Variants in TCF7L1 observed in about 807,000 individuals in gnomAD.
TCF7L1 encodes transcription factor 7-like 1.
Under a neutral mutation model 63.7 loss-of-function variants are expected in TCF7L1, and 18 were observed. That is an observed-to-expected ratio of 0.28 (90% CI 0.20 to 0.42). The LOEUF is 0.42. TCF7L1 is among the 10% of genes least tolerant of loss of function. The pLI is 1.00. For synonymous variants in TCF7L1, 355 were observed against 340.9 expected (o/e 1.04, Z -0.46); for missense variants, 654 against 779.3 (o/e 0.84, Z 1.91).
At chr2:85,228,064 A>G (rs187027865) in intron 3 of TCF7L1, among the ~76,000 whole-genome samples, 92 of 152,004 alleles carry the variant, frequency 6.1e-4, no homozygotes, top group Non-Finnish European at 1.0e-3. Context: ...TTTTCCATTC[A>G]ACATTTAATC....
At chr2:85,219,230 AG>A (rs1679786235) in intron 3 of TCF7L1, among the ~76,000 whole-genome samples, 1 of 152,248 alleles carries the variant, frequency 6.6e-6, no homozygotes, top group Non-Finnish European at 1.5e-5. Context: ...AGAGAAATGC[AG>A]ACTAAAACAA....
chr2:85,149,975 CAAG>C, intron 3 of TCF7L1, among the ~76,000 whole-genome samples: 1 of 152,282 alleles, frequency 6.6e-6, no homozygotes, highest in Non-Finnish European at 1.5e-5. Flanking sequence ...GTTCTAAAAA[CAAG>C]GACATTCGCC....
At chr2:85,235,140 G>A (rs1420225169) in intron 3 of TCF7L1, among the ~76,000 whole-genome samples, 1 of 152,066 alleles carries the variant, frequency 6.6e-6, no homozygotes, top group Non-Finnish European at 1.5e-5. Flanking sequence ...CTGAGGGGCT[G>A]ACCTCTGACC....
chr2:85,308,396 T>TCCCCCTCCCTCC (rs1253056128), intron 11 of TCF7L1, among the ~76,000 whole-genome samples: 6 of 109,542 alleles, frequency 5.5e-5, no homozygotes, highest in African/African-American at 2.5e-4. Flanking sequence ...TCCCTCCCAT[T>TCCCCCTCCCTCC]CTCCTTCCCT....
intron 3 of TCF7L1, among the ~76,000 whole-genome samples, chr2:85,194,323 G>A (rs1274636043): frequency 6.6e-6 from 1 of 152,116 alleles, no homozygotes; most frequent in Non-Finnish European, 1.5e-5. Flanking sequence ...GAGGCCAGGA[G>A]TTCGAGACCA....
intron 3 of TCF7L1, among the ~76,000 whole-genome samples, chr2:85,151,571 T>C (rs1466884826): frequency 1.3e-5 from 2 of 152,216 alleles, no homozygotes; most frequent in Non-Finnish European, 2.9e-5. Context: ...AGTCTATTTG[T>C]ATCATTCCCT....
At chr2:85,175,775 T>C (rs1476979394) in intron 3 of TCF7L1, among the ~76,000 whole-genome samples, 2 of 152,212 alleles carry the variant, frequency 1.3e-5, no homozygotes, top group Non-Finnish European at 2.9e-5. Flanking sequence ...TAAACAAAAG[T>C]TGGCTGTAAC....
At chr2:85,300,103 GGAAA>G (rs761335888) in intron 4 of TCF7L1, among the ~76,000 whole-genome samples, 6 of 152,046 alleles carry the variant, frequency 3.9e-5, no homozygotes, top group African/African-American at 7.2e-5. Context: ...TGGAAAATAT[GGAAA>G]GAGAGACAAT....
At chr2:85,265,404 G>A (rs982306492) in intron 3 of TCF7L1, among the ~76,000 whole-genome samples, 1 of 152,228 alleles carries the variant, frequency 6.6e-6, no homozygotes, top group Admixed American at 6.5e-5. Context: ...CCTGGTGCCA[G>A]TGAGATCTGA....
chr2:85,265,481 C>A (rs1680946235), intron 3 of TCF7L1, among the ~76,000 whole-genome samples: 1 of 152,140 alleles, frequency 6.6e-6, no homozygotes, highest in African/African-American at 2.4e-5. Flanking sequence ...GAGGGGAATC[C>A]CTCTGGAAGG....
chr2:85,149,100 A>C (rs2104201608), intron 3 of TCF7L1, among the ~76,000 whole-genome samples: 1 of 152,224 alleles, frequency 6.6e-6, no homozygotes, highest in Admixed American at 6.5e-5. Context: ...TTTTATAGGA[A>C]ATGACTAAAT....
chr2:85,293,077 T>C (rs1434198454), intron 4 of TCF7L1, among the ~76,000 whole-genome samples: 1 of 152,256 alleles, frequency 6.6e-6, no homozygotes, highest in African/African-American at 2.4e-5. Flanking sequence ...TCTCATGGCA[T>C]GTGGCAGATA....
At chr2:85,303,276 G>A (rs72934690) in intron 5 of TCF7L1, 17,074 of 151,974 alleles carry the variant, frequency 0.11, 1,473 homozygotes, top group African/African-American at 0.24. Context: ...GACTCAAGCA[G>A]TCAACTCACC....
chr2:85,164,455 G>T (rs188137586), intron 3 of TCF7L1, among the ~76,000 whole-genome samples: 10 of 152,232 alleles, frequency 6.6e-5, no homozygotes, highest in African/African-American at 2.4e-4. Context: ...TTGTTTTAAA[G>T]CGAGGCTACT....
At chr2:85,143,586 A>G (rs906729090) in intron 3 of TCF7L1, among the ~76,000 whole-genome samples, 1 of 152,242 alleles carries the variant, frequency 6.6e-6, no homozygotes, top group African/African-American at 2.4e-5. Flanking sequence ...GTAGAGGTCA[A>G]GTATCTCGTA....
At chr2:85,236,489 G>T (rs914955416) in intron 3 of TCF7L1, among the ~76,000 whole-genome samples, 1 of 152,160 alleles carries the variant, frequency 6.6e-6, no homozygotes, top group African/African-American at 2.4e-5. Context: ...ATGCAATTGT[G>T]TGAACCCCCT....
chr2:85,204,914 G>C (rs962543225), intron 3 of TCF7L1: 1 of 145,428 alleles, frequency 6.9e-6, no homozygotes, highest in African/African-American at 2.6e-5. Flanking sequence ...TCTATACACA[G>C]AAAACTACCT....
At chr2:85,266,622 A>G (rs1445841277) in intron 3 of TCF7L1, among the ~76,000 whole-genome samples, 1 of 152,224 alleles carries the variant, frequency 6.6e-6, no homozygotes, top group East Asian at 1.9e-4. Flanking sequence ...TCATTGGTCC[A>G]GCATGCTTCC....
chr2:85,134,529 G>T lies in TCF7L1; in HGVS notation c.441+79G>T, dbSNP rs1393044003. ...GCGCCCCCGGGCTTGGCCATGGAGT[G>T]GGGGATGGGGCCTTCTGCGCCGATC... On this transcript the variant is annotated intron_variant, in intron 3 of 11. Transcript: ENST00000282111. This position sits in a 1 kb window ranked among gnomAD's most constrained non-coding sequence, Gnocchi z 5.0. The T allele has an allele frequency of 2.0e-6, 3 of 1,513,700 alleles. No individual in the cohort carries two copies. Among genetic ancestry groups the T allele is most frequent in the East Asian group, 4.9e-5 (2 of 40,572 alleles). The allele number at this position is 1,513,700 out of a possible 1,614,324, so 93.8% of individuals were successfully genotyped here.
Sources: gnomAD v4.1 joint callset for allele counts (sites outside exome capture counted in the v4.1 genomes callset) on GRCh38, gnomAD v4.1.1 for gene constraint, Gnocchi (gnomAD v3.1) non-coding constraint, MANE v1.5 for transcripts, NCBI Gene and HGNC (gene_info 2026-07-23, HGNC 2026-07-21) for gene names.